The following ZNF385B variants were observed in gnomAD, a reference collection of about 807,000 sequenced individuals.
ZNF385B encodes the protein zinc finger protein 533.
A neutral mutation model predicts 39.2 loss-of-function variants in ZNF385B; 23 were observed. The observed-to-expected ratio is 0.59, with a 90% CI of 0.42 to 0.83. The LOEUF (loss-of-function observed/expected upper bound fraction) is 0.83, where lower values mean the gene tolerates loss of function less well. Among genes scored for constraint, ZNF385B ranks in the 40% least tolerant of loss-of-function variants. The pLI is 0.00. For synonymous variants in ZNF385B, 205 were observed against 222.6 expected (o/e 0.92, Z 0.70); for missense variants, 552 against 598.9 (o/e 0.92, Z 0.82).
intron 2 of ZNF385B, 59 bp from the exon 3 acceptor site, chr2:179,769,861 T>G: frequency 6.9e-7 from 1 of 1,455,202 alleles, no homozygotes; most frequent in Non-Finnish European, 9.3e-7. Context: ...TTTTCTAGTA[T>G]GATTACAATT....
intron 1 of ZNF385B, among the ~76,000 whole-genome samples, chr2:179,848,258 T>C (rs12328338): frequency 0.32 from 48,630 of 151,990 alleles, 8,055 homozygotes; most frequent in Admixed American, 0.44. Context: ...AAATTTTACA[T>C]CCAGGGACAG....
At chr2:179,826,830 C>T (rs545102218) in intron 1 of ZNF385B, among the ~76,000 whole-genome samples, 252 of 152,214 alleles carry the variant, frequency 1.7e-3, no homozygotes, top group African/African-American at 5.7e-3. Context: ...AAATTTGAAG[C>T]TAAAAATTTA....
chr2:179,790,857 T>C (rs1705283830), intron 1 of ZNF385B, among the ~76,000 whole-genome samples: 1 of 152,232 alleles, frequency 6.6e-6, no homozygotes, highest in Non-Finnish European at 1.5e-5. Flanking sequence ...TCCAAAGGTT[T>C]ACACAGCTTT....
chr2:179,819,829 G>T (rs1417583604), intron 1 of ZNF385B, among the ~76,000 whole-genome samples: 2 of 151,986 alleles, frequency 1.3e-5, no homozygotes, highest in Admixed American at 1.3e-4. Flanking sequence ...TTTTTGCCTT[G>T]GTTTACAGAC....
chr2:179,654,734 A>G (rs972214029), intron 3 of ZNF385B, among the ~76,000 whole-genome samples: 3 of 152,132 alleles, frequency 2.0e-5, no homozygotes, highest in Non-Finnish European at 4.4e-5. Flanking sequence ...ATCTGCTAAA[A>G]CATTTGCCTC....
chr2:179,476,101 T>C (rs2053424209), intron 6 of ZNF385B, among the ~76,000 whole-genome samples: 1 of 150,838 alleles, frequency 6.6e-6, no homozygotes, highest in African/African-American at 2.4e-5. Flanking sequence ...AATATACACG[T>C]ATTTATTGAG....
chr2:179,706,703 A>C (rs1699628521), intron 3 of ZNF385B, among the ~76,000 whole-genome samples: 1 of 152,206 alleles, frequency 6.6e-6, no homozygotes, highest in Non-Finnish European at 1.5e-5. Context: ...CAGATGCCTG[A>C]GTAGTGGCAA....
At chr2:179,723,837 T>C (rs1700840014) in intron 3 of ZNF385B, among the ~76,000 whole-genome samples, 2 of 152,184 alleles carry the variant, frequency 1.3e-5, no homozygotes, top group African/African-American at 4.8e-5. Context: ...ATACTCTACA[T>C]TCTTAACATA....
chr2:179,778,630 G>A (rs1704484084), intron 1 of ZNF385B, among the ~76,000 whole-genome samples: 1 of 152,178 alleles, frequency 6.6e-6, no homozygotes, highest in South Asian at 2.1e-4. Context: ...GAAAGTACAG[G>A]TAGAGTCAAA....
intron 3 of ZNF385B, among the ~76,000 whole-genome samples, chr2:179,678,859 C>G (rs746887672): frequency 3.9e-5 from 6 of 152,130 alleles, no homozygotes; most frequent in Non-Finnish European, 8.8e-5. Flanking sequence ...AAATTTCCCT[C>G]TACATTGAAC....
At chr2:179,832,276 G>A (rs1298865036) in intron 1 of ZNF385B, among the ~76,000 whole-genome samples, 2 of 152,074 alleles carry the variant, frequency 1.3e-5, no homozygotes, top group African/African-American at 2.4e-5. Flanking sequence ...AGTTCCCTAC[G>A]TGCTACAACA....
At chr2:179,680,512 G>A (rs1208118280) in intron 3 of ZNF385B, among the ~76,000 whole-genome samples, 3 of 152,070 alleles carry the variant, frequency 2.0e-5, no homozygotes, top group African/African-American at 7.2e-5. Flanking sequence ...AGAGCATACG[G>A]GGACCTTCTG....
At chr2:179,860,745 G>C (rs1684983464) in intron 1 of ZNF385B, 1 of 440,280 alleles carries the variant, frequency 2.3e-6, no homozygotes. Flanking sequence ...GAGGCGCTGC[G>C]GCTAAACATA....
chr2:179,770,968 T>C (rs990042333), intron 1 of ZNF385B, among the ~76,000 whole-genome samples: 1 of 152,144 alleles, frequency 6.6e-6, no homozygotes, highest in Non-Finnish European at 1.5e-5. Context: ...AGTGGGATTA[T>C]AACAATATTT....
intron 3 of ZNF385B, among the ~76,000 whole-genome samples, chr2:179,674,848 C>G (rs776334702): frequency 5.3e-5 from 8 of 152,126 alleles, no homozygotes; most frequent in Non-Finnish European, 8.8e-5. Flanking sequence ...AGGGAGAAAG[C>G]CTTATAACCC....
chr2:179,519,865 G>A (rs1263488941), intron 4 of ZNF385B, among the ~76,000 whole-genome samples: 3 of 152,102 alleles, frequency 2.0e-5, no homozygotes, highest in African/African-American at 7.2e-5. Flanking sequence ...ATTATAAATC[G>A]ACAAAATGCA....
intron 1 of ZNF385B, among the ~76,000 whole-genome samples, chr2:179,833,178 C>A (rs953318441): frequency 1.3e-5 from 2 of 152,006 alleles, no homozygotes; most frequent in Admixed American, 1.3e-4. Flanking sequence ...TATTTAGGCA[C>A]AATTGAATAT....
rs191787317 is a variant in ZNF385B at position 179,582,613 on chromosome 2, G to C, written c.299-37644C>G. On this transcript the variant is annotated intron_variant, in intron 3 of 9. Coordinates refer to ENST00000410066, the MANE Select transcript of ZNF385B (RefSeq NM_152520.6). ...TAGACAAAGTCCCTACACACATGGA[G>C]ATTATACTCAAATGCATCCACTATA... Among the ~76,000 whole-genome samples, 25 of 152,264 alleles carry C rather than the reference G, an allele frequency of 1.6e-4. No individual in the cohort carries two copies. The East Asian group carries it at 4.8e-3, about 29-fold the overall frequency.
rs572048333 is a variant in ZNF385B, at chr2:179,789,013, G to C, written c.-154-18341C>G. On this transcript the variant is annotated intron_variant, in intron 1 of 9. Transcript: ENST00000410066. ...TTGATTTTCTTTTGAATAGTCTTTT[G>C]TCCTTTTATAATTGATCTTTTAAAA... Among the ~76,000 whole-genome samples the C allele has an allele frequency of 6.6e-5, 10 of 152,182 alleles. No homozygotes were observed. The South Asian group carries it at 1.2e-3, about 19-fold the overall frequency.
Sources: allele counts gnomAD v4.1 joint callset (sites outside exome capture counted in the v4.1 genomes callset), GRCh38; gene constraint gnomAD v4.1.1; transcripts MANE v1.5; gene names NCBI Gene and HGNC (gene_info 2026-07-23, HGNC 2026-07-21).